The following SPMIP6 variants were observed in gnomAD, a reference collection of about 807,000 sequenced individuals.
SPMIP6 encodes ciliated bronchial epithelial protein 1.
the SPMIP6 span, among the ~76,000 whole-genome samples, chr9:34,384,432 G>T: frequency 6.6e-6 from 1 of 152,154 alleles, no homozygotes; most frequent in Admixed American, 6.5e-5. Context: ...GTAGAGTGTG[G>T]TCATAGCCTG....
At chr9:34,381,410 G>A in the SPMIP6 span, 1 of 1,614,068 alleles carries the variant, frequency 6.2e-7, no homozygotes, top group East Asian at 2.2e-5. This position sits in a 1 kb window ranked among gnomAD's most constrained non-coding sequence, Gnocchi z 4.4. Flanking sequence ...GCATTCCAAG[G>A]GCATTCCTCG....
the SPMIP6 span, among the ~76,000 whole-genome samples, chr9:34,391,300 T>C: frequency 1.4e-4 from 21 of 152,180 alleles, 1 homozygote; most frequent in Admixed American, 1.4e-3. Flanking sequence ...GTGCCTTGTT[T>C]TTCTTAATTC....
the SPMIP6 span, chr9:34,382,695 G>A: frequency 9.4e-7 from 1 of 1,058,298 alleles, no homozygotes; most frequent in East Asian, 2.4e-5. Flanking sequence ...TGTAGTTTGG[G>A]AGGTGGTGGG....
chr9:34,388,381 A>G, the SPMIP6 span, among the ~76,000 whole-genome samples: 4 of 150,234 alleles, frequency 2.7e-5, no homozygotes, highest in Non-Finnish European at 5.9e-5. Context: ...CAAACTCCTG[A>G]CATCAGGTGG....
At chr9:34,387,484 C>T in the SPMIP6 span, among the ~76,000 whole-genome samples, 1 of 151,970 alleles carries the variant, frequency 6.6e-6, no homozygotes, top group African/African-American at 2.4e-5. Context: ...GCATGGGTCC[C>T]GTGACTCAGC....
the SPMIP6 span, among the ~76,000 whole-genome samples, chr9:34,382,470 A>C: frequency 6.6e-6 from 1 of 152,168 alleles, no homozygotes; most frequent in Non-Finnish European, 1.5e-5. Context: ...CTGTAATCCC[A>C]GCTGCTCGGG....
At chr9:34,396,431 T>G in the SPMIP6 span, among the ~76,000 whole-genome samples, 1 of 152,192 alleles carries the variant, frequency 6.6e-6, no homozygotes, top group African/African-American at 2.4e-5. Context: ...CTGGCCTTCC[T>G]GCCCTCAACC....
chr9:34,397,694 G>A, the SPMIP6 span: 1 of 1,515,858 alleles, frequency 6.6e-7, no homozygotes, highest in Admixed American at 2.1e-5. Flanking sequence ...CTGGACATCA[G>A]TGACCACCCT....
At chr9:34,397,412 G>C in the SPMIP6 span, 1 of 1,425,718 alleles carries the variant, frequency 7.0e-7, no homozygotes, top group African/African-American at 1.4e-5. Context: ...CATACACAAA[G>C]CTACAAATCA....
chr9:34,389,108 A>T, the SPMIP6 span, among the ~76,000 whole-genome samples: 3 of 151,124 alleles, frequency 2.0e-5, no homozygotes, highest in South Asian at 2.1e-4. Context: ...ATTTTTTTTT[A>T]AATTTGTTTA....
the SPMIP6 span, chr9:34,385,671 G>A: frequency 6.2e-7 from 1 of 1,613,668 alleles, no homozygotes; most frequent in Non-Finnish European, 8.5e-7. Context: ...TCTCAGGCAA[G>A]TAGGGGTGGC....
the SPMIP6 span, among the ~76,000 whole-genome samples, chr9:34,382,044 G>A: frequency 5.9e-5 from 9 of 152,330 alleles, no homozygotes; most frequent in East Asian, 1.5e-3. Flanking sequence ...CACAAAGGAG[G>A]AGAAGGTGGA....
chr9:34,385,729 A>G, the SPMIP6 span: 4 of 1,613,552 alleles, frequency 2.5e-6, no homozygotes, highest in African/African-American at 5.3e-5. Context: ...ACATTTGGCC[A>G]TCTTCTGCAG....
At chr9:34,394,376 C>T in the SPMIP6 span, among the ~76,000 whole-genome samples, 18 of 152,168 alleles carry the variant, frequency 1.2e-4, 1 homozygote, top group East Asian at 2.9e-3. Flanking sequence ...AGGATGGTCT[C>T]GATCTCCTGA....
At chr9:34,388,890 C>T in the SPMIP6 span, among the ~76,000 whole-genome samples, 1 of 149,340 alleles carries the variant, frequency 6.7e-6, no homozygotes, top group Non-Finnish European at 1.5e-5. Flanking sequence ...TTTATCTTTT[C>T]TGTTTGTGGC....
chr9:34,382,660 G>A, the SPMIP6 span: 1 of 808,286 alleles, frequency 1.2e-6, no homozygotes, highest in Non-Finnish European at 2.2e-6. Flanking sequence ...AAGCAATGAG[G>A]ACCTAATGGT....
At chr9:34,387,187 G>A in the SPMIP6 span, among the ~76,000 whole-genome samples, 8 of 151,990 alleles carry the variant, frequency 5.3e-5, no homozygotes, top group Non-Finnish European at 8.8e-5. Context: ...TTTTCATAGA[G>A]ATGGAGTTTC....
At chr9:34,390,646 G>A in the SPMIP6 span, among the ~76,000 whole-genome samples, 1 of 152,012 alleles carries the variant, frequency 6.6e-6, no homozygotes, top group African/African-American at 2.4e-5. Flanking sequence ...TTTTGCTTTT[G>A]TATTTATGAA....
chr9:34,380,717 T>G, the SPMIP6 span: 128 of 1,548,178 alleles, frequency 8.3e-5, no homozygotes, highest in Middle Eastern at 3.3e-4. Context: ...CCCGCCTCAG[T>G]TGTTAGTTCA....
Sources: allele counts gnomAD v4.1 joint callset (sites outside exome capture counted in the v4.1 genomes callset), GRCh38; gene constraint gnomAD v4.1.1; non-coding constraint Gnocchi (gnomAD v3.1); transcripts MANE v1.5; gene names NCBI Gene and HGNC (gene_info 2026-07-23, HGNC 2026-07-21).